EFCAB5: variants seen among roughly 807,000 people sequenced by gnomAD.
EFCAB5 encodes EF-hand calcium-binding domain-containing protein 5.
Under a neutral mutation model 167.9 loss-of-function variants are expected in EFCAB5, and 131 were observed. The ratio of observed to expected loss-of-function variants is 0.78; its 90% CI spans 0.68 to 0.90. EFCAB5 has a LOEUF of 0.90. Ranked by LOEUF, EFCAB5 falls within the 40% of genes least tolerant of loss-of-function variation. The probability of loss-of-function intolerance (pLI) is 0.00; values close to 1 mark genes in which losing one functional copy is unlikely to be tolerated. For synonymous variants in EFCAB5, 574 were observed against 602.8 expected, an observed-to-expected ratio of 0.95 and a Z score of 0.70; for missense variants, 1,663 against 1,745.2, an observed-to-expected ratio of 0.95 and a Z score of 0.84.
At chr17:30,096,677 A>ATTTTTTT (rs71278522) in intron 22 of EFCAB5, among the ~76,000 whole-genome samples, 4 of 60,122 alleles carry the variant, frequency 6.7e-5, no homozygotes, top group African/African-American at 3.4e-4. Flanking sequence ...ATATATATAT[A>ATTTTTTT]TTTTTTTTTT....
At chr17:30,073,601 A>C (rs1196471007) in intron 14 of EFCAB5, 1 of 690,768 alleles carries the variant, frequency 1.4e-6, no homozygotes, top group Non-Finnish European at 2.7e-6. Context: ...ATCATTCATT[A>C]GAGTTCGATA....
chr17:30,057,696 A>T lies in EFCAB5; in HGVS notation c.2386A>T (p.Asn796Tyr). ...RFTDLHSIIR[N>Y]IQSCKEVKGR... is the part of the protein sequence containing the mutation. ...GACAGATTTACACTCAATTATCAGA[A>T]ATATTCAGTCTTGCAAGGAGGTAAA... Residue 796 changes from asparagine to tyrosine, a missense_variant, in exon 13 of 23, where the codon AAT (asparagine) becomes TAT (tyrosine). Asn to Tyr is a moderately radical substitution (Grantham distance 143). Coordinates refer to ENST00000394835, the MANE Select transcript of EFCAB5 (RefSeq NM_198529.4). 1 of 1,613,142 alleles carries T rather than the reference A, an allele frequency of 6.2e-7. No individual in the cohort carries two copies. Among genetic ancestry groups the T allele is most frequent in the South Asian group, 1.1e-5 (1 of 91,010 alleles).
rs370191442 is a variant in EFCAB5, at chr17:29,930,049, G to C, written c.-127+720G>C. 445 of 1,539,338 alleles carry C rather than the reference G, an allele frequency of 2.9e-4. 1 individual carries two copies. In the African/African-American group the frequency reaches 5.2e-3, roughly 18 times the overall value. ...GGCAGGGCATTCTTGTCCTGAGTGT[G>C]GGGGACGGGAGGGTGACGGAGCCGG... is the stretch of plus-strand genomic sequence containing the variant. On this transcript the variant is annotated intron_variant, in intron 1 of 3. Coordinates refer to the EFCAB5 transcript ENST00000448319.
At chr17:30,062,234 A>T (rs1317239441) in intron 14 of EFCAB5, among the ~76,000 whole-genome samples, 1 of 152,220 alleles carries the variant, frequency 6.6e-6, no homozygotes, top group Non-Finnish European at 1.5e-5. Context: ...AATTACATTA[A>T]GAAAAATAAC....
At chr17:30,044,083 A>G (rs568804698) in intron 8 of EFCAB5, among the ~76,000 whole-genome samples, 161 of 152,372 alleles carry the variant, frequency 1.1e-3, no homozygotes, top group Non-Finnish European at 2.0e-3. Flanking sequence ...CTACAACTTT[A>G]TAAAACAACC....
chr17:30,003,493 G>A (rs1426849887), intron 7 of EFCAB5, among the ~76,000 whole-genome samples: 8 of 150,884 alleles, frequency 5.3e-5, no homozygotes, highest in African/African-American at 1.2e-4. Flanking sequence ...TCAGCCTCCC[G>A]AAGTGCTGGG....
intron 4 of EFCAB5, among the ~76,000 whole-genome samples, chr17:29,981,785 A>G (rs549958673): frequency 3.0e-4 from 45 of 152,282 alleles, no homozygotes; most frequent in African/African-American, 1.0e-3. Context: ...TGGGAGAGTC[A>G]CCTCATTTTC....
At chr17:30,066,967 T>C (rs1026574234) in intron 14 of EFCAB5, among the ~76,000 whole-genome samples, 9 of 152,066 alleles carry the variant, frequency 5.9e-5, no homozygotes, top group Non-Finnish European at 1.5e-5. Flanking sequence ...CAAAAAGAAA[T>C]AGAAAACCTG....
chr17:30,006,287 C>CA (rs1342816160), intron 7 of EFCAB5, among the ~76,000 whole-genome samples: 2 of 152,010 alleles, frequency 1.3e-5, no homozygotes, highest in African/African-American at 4.8e-5. Flanking sequence ...TTCTAATTTA[C>CA]AAAAAAATTT....
intron 3 of EFCAB5, among the ~76,000 whole-genome samples, chr17:29,944,300 C>G (rs138801066): frequency 1.3e-5 from 2 of 152,044 alleles, no homozygotes; most frequent in Non-Finnish European, 2.9e-5. Context: ...GGGCTGGTCT[C>G]GATCTCCTGG....
At chr17:29,980,490 C>T (rs2068151839) in intron 4 of EFCAB5, among the ~76,000 whole-genome samples, 1 of 152,184 alleles carries the variant, frequency 6.6e-6, no homozygotes, top group African/African-American at 2.4e-5. Flanking sequence ...CTTCTAGGCC[C>T]AGTAGAAAGT....
At chr17:30,008,481 A>G (rs1487986627) in intron 7 of EFCAB5, among the ~76,000 whole-genome samples, 1 of 152,088 alleles carries the variant, frequency 6.6e-6, no homozygotes, top group Non-Finnish European at 1.5e-5. Flanking sequence ...AGTCCCAGCT[A>G]CTTGGGAGGC....
chr17:29,929,976 A>G, intron 1 of EFCAB5: 1 of 1,601,466 alleles, frequency 6.2e-7, no homozygotes, highest in Non-Finnish European at 8.5e-7. Context: ...GGGGTAGGTG[A>G]CCGCTGGACC....
intron 4 of EFCAB5, among the ~76,000 whole-genome samples, chr17:29,981,298 A>G (rs1384131776): frequency 6.6e-6 from 1 of 152,026 alleles, no homozygotes; most frequent in Non-Finnish European, 1.5e-5. Context: ...CTCTCTCCCC[A>G]CACTATACTC....
At chr17:30,026,537 C>T (rs575313106) in intron 7 of EFCAB5, among the ~76,000 whole-genome samples, 6 of 152,188 alleles carry the variant, frequency 3.9e-5, no homozygotes, top group Admixed American at 1.3e-4. Flanking sequence ...TTTATTCAAA[C>T]GTCATTAATG....
At chr17:29,930,256 T>C in intron 1 of EFCAB5, 1 of 507,524 alleles carries the variant, frequency 2.0e-6, no homozygotes, top group Non-Finnish European at 3.5e-6. Flanking sequence ...AGGCGCCACC[T>C]GTCAGCTACC....
chr17:30,088,834 T>A (rs1385870341), intron 19 of EFCAB5, among the ~76,000 whole-genome samples: 1 of 152,202 alleles, frequency 6.6e-6, no homozygotes, highest in African/African-American at 2.4e-5. Context: ...GCCAGAATGT[T>A]GGTTCAATCT....
At chr17:29,952,743 A>G (rs2067537239) in intron 3 of EFCAB5, among the ~76,000 whole-genome samples, 1 of 152,166 alleles carries the variant, frequency 6.6e-6, no homozygotes, top group Admixed American at 6.5e-5. Context: ...AATGATAAAC[A>G]TGAAATTCAG....
intron 6 of EFCAB5, among the ~76,000 whole-genome samples, chr17:29,998,899 G>C (rs957987443): frequency 6.6e-6 from 1 of 152,126 alleles, no homozygotes; most frequent in African/African-American, 2.4e-5. Context: ...TCAAATGAAG[G>C]TTTAAAAATC....
Sources: allele counts gnomAD v4.1 joint callset (sites outside exome capture counted in the v4.1 genomes callset), GRCh38; gene constraint gnomAD v4.1.1; transcripts MANE v1.5; gene names NCBI Gene and HGNC (gene_info 2026-07-23, HGNC 2026-07-21).